The following CNBD2 variants were observed in gnomAD, a reference collection of about 807,000 sequenced individuals.
CNBD2 encodes the protein cyclic nucleotide binding domain containing 2, also known as cyclic nucleotide-binding domain-containing protein 2.
Under a neutral mutation model 63.7 loss-of-function variants are expected in CNBD2, and 64 were observed. The ratio of observed to expected loss-of-function variants is 1.00; its 90% CI spans 0.82 to 1.24. The LOEUF is 1.24. Ranked by LOEUF, CNBD2 falls within the 50% of genes most tolerant of loss-of-function variation. The pLI is 0.00. For synonymous variants in CNBD2, 229 were observed against 255.4 expected (o/e 0.90, Z 0.99); for missense variants, 691 against 713.5 (o/e 0.97, Z 0.36).
intron 8 of CNBD2, among the ~76,000 whole-genome samples, chr20:36,005,592 C>A (rs1389645961): frequency 2.0e-5 from 3 of 152,036 alleles, no homozygotes; most frequent in African/African-American, 7.2e-5. Flanking sequence ...AAACTCAGGG[C>A]TTTTTATATG....
intron 10 of CNBD2, among the ~76,000 whole-genome samples, chr20:36,012,659 C>G (rs916785569): frequency 2.0e-5 from 3 of 150,846 alleles, no homozygotes; most frequent in Non-Finnish European, 4.4e-5. Context: ...AACCCTGTCT[C>G]TACTAAAAAT....
downstream of CNBD2, among the ~76,000 whole-genome samples, chr20:35,957,936 T>C (rs7263302): frequency 0.26 from 39,570 of 152,012 alleles, 6,187 homozygotes; most frequent in African/African-American, 0.44. Flanking sequence ...CCTAGGTAGC[T>C]TCAGTGTTGA....
chr20:35,998,242 T>C (rs2056852896), intron 8 of CNBD2, among the ~76,000 whole-genome samples: 1 of 151,940 alleles, frequency 6.6e-6, no homozygotes, highest in Admixed American at 6.6e-5. Context: ...GGTTTCAGCA[T>C]GTTGGCCAGG....
chr20:35,977,755 A>G (rs1205027621), intron 3 of CNBD2, among the ~76,000 whole-genome samples: 1 of 152,182 alleles, frequency 6.6e-6, no homozygotes, highest in Non-Finnish European at 1.5e-5. Context: ...CTTTGGGGTG[A>G]TGAAAAGCTT....
chr20:36,019,529 G>GAAAA (rs60556168), intron 10 of CNBD2, among the ~76,000 whole-genome samples: 36 of 71,696 alleles, frequency 5.0e-4, no homozygotes, highest in Admixed American at 7.1e-4. Flanking sequence ...CTCAAAAAAA[G>GAAAA]AAAAAAAAAA....
chr20:35,997,217 C>T (rs1333089214), intron 8 of CNBD2, among the ~76,000 whole-genome samples: 1 of 152,184 alleles, frequency 6.6e-6, no homozygotes, highest in Non-Finnish European at 1.5e-5. Context: ...TATCTCTTAC[C>T]TCCTGCTCAG....
Position 35,969,209 on chromosome 20 carries a change from G to A in CNBD2, c.51+396G>A, listed in dbSNP as rs143461961. Among the ~76,000 whole-genome samples the A allele has an allele frequency of 5.4e-4, 82 of 152,262 alleles. 1 individual carries two copies. In the East Asian group the frequency reaches 0.016, roughly 29 times the overall value. ...CCCCAGGCAAGTTGCTTGGTTTGCT[G>A]TGCCTTTATTTTCTCCTCTGTAAAG... On this transcript the variant is annotated intron_variant, in intron 1 of 11. Coordinates refer to ENST00000373973, the MANE Select transcript of CNBD2 (RefSeq NM_001365709.1).
chr20:35,954,740 G>A (rs2056233610), exon 1 of CNBD2: 8 of 771,872 alleles, frequency 1.0e-5, no homozygotes, highest in Non-Finnish European at 1.5e-5. Flanking sequence ...TCCGTGCGCC[G>A]CTTCGGTTTG....
upstream of CNBD2, chr20:35,954,493 G>C: frequency 7.8e-6 from 12 of 1,542,506 alleles, no homozygotes; most frequent in South Asian, 1.2e-5. Context: ...AAAGTCTCTG[G>C]CTTCTCTGCG....
intron 2 of CNBD2, among the ~76,000 whole-genome samples, chr20:35,960,797 TCTTCCCTTCTCTTCC>T (rs1568838721): frequency 9.1e-4 from 113 of 124,716 alleles, no homozygotes; most frequent in African/African-American, 3.5e-3. Flanking sequence ...TCTTCCCTTC[TCTTCCCTTCTCTTCC>T]CTTCCCTTCC....
At chr20:36,009,454 G>A (rs1048410753) in intron 9 of CNBD2, among the ~76,000 whole-genome samples, 3 of 151,502 alleles carry the variant, frequency 2.0e-5, no homozygotes, top group Non-Finnish European at 4.4e-5. Context: ...CGCCCACCTC[G>A]GCCTCCCAAA....
chr20:36,001,278 C>T lies in CNBD2; in HGVS notation c.970+6126C>T, dbSNP rs1321267976. 8.8e-4 allele frequency among the ~76,000 whole-genome samples: 134 copies of T among 151,464 alleles called. 2 individuals are homozygous for T. The highest frequency in any genetic ancestry group is 3.1e-4 in the Non-Finnish European group (21 of 67,774). ...TACACCTCCCAGACGGGGTGGTGGC[C>T]GGGCAGAGGGGCTCCTCACTTCCCA... On this transcript the variant is annotated intron_variant, in intron 8 of 11. Transcript: ENST00000373973.
At chr20:35,975,731 C>A (rs994338459) in intron 2 of CNBD2, among the ~76,000 whole-genome samples, 48 of 152,174 alleles carry the variant, frequency 3.2e-4, no homozygotes, top group Admixed American at 3.0e-3. Context: ...CCCCATATTT[C>A]TCTGCCTTCA....
At chr20:35,958,129 G>A (rs370245833), downstream of CNBD2, among the ~76,000 whole-genome samples, 5 of 152,226 alleles carry the variant, frequency 3.3e-5, no homozygotes, top group East Asian at 3.9e-4. Context: ...TGGAGAATAC[G>A]TCTTTTAAAA....
intron 10 of CNBD2, among the ~76,000 whole-genome samples, chr20:36,012,095 T>C (rs1397362589): frequency 2.0e-5 from 3 of 149,046 alleles, no homozygotes; most frequent in Non-Finnish European, 3.0e-5. Context: ...AGGTCAGGAG[T>C]TCAAGACCAG....
Position 36,030,444 on chromosome 20 carries a change from C to A in CNBD2, c.1527C>A (p.Cys509Ter), listed in dbSNP as rs1198442721. 6.2e-7 allele frequency: 1 copy of A among 1,614,122 alleles called. No individual in the cohort carries two copies. Among genetic ancestry groups the A allele is most frequent in the Non-Finnish European group, 8.5e-7 (1 of 1,180,026 alleles). Residue 509 changes from cysteine (C) to a stop codon, truncating the protein, a stop_gained, in exon 12 of 12, where the codon TGC becomes TGA. Coordinates refer to ENST00000373973, the MANE Select transcript of CNBD2 (RefSeq NM_001365709.1). LOFTEE classifies it low-confidence loss of function (END_TRUNC). The stretch of plus-strand genomic sequence containing the variant: ...TGTTGCAGCTGCTCGTGGAGCCTTG[C>A]CAAAGTCAACTGTTCACTCCAAACC... ...KDLLQLLVEP[C>*]QSQLFTPNRP...
At chr20:35,960,822 CCTTCCCTTCT>C (rs1240501692) in intron 2 of CNBD2, among the ~76,000 whole-genome samples, 66 of 137,582 alleles carry the variant, frequency 4.8e-4, no homozygotes, top group Non-Finnish European at 7.7e-4. Flanking sequence ...CCTTCCCTTC[CCTTCCCTTCT>C]CTTCCCTTCT....
At chr20:35,965,526 A>C (rs2147181907), upstream of CNBD2, among the ~76,000 whole-genome samples, 1 of 152,328 alleles carries the variant, frequency 6.6e-6, no homozygotes, top group East Asian at 1.9e-4. Flanking sequence ...TCCATTTTAT[A>C]CATTATGAAA....
intron 11 of CNBD2, among the ~76,000 whole-genome samples, chr20:36,025,388 G>A (rs997876881): frequency 6.6e-6 from 1 of 152,114 alleles, no homozygotes; most frequent in Non-Finnish European, 1.5e-5. Flanking sequence ...AGGCTGGAGT[G>A]CAGTGGCACA....
Sources: gnomAD v4.1 joint callset for allele counts (sites outside exome capture counted in the v4.1 genomes callset) on GRCh38, gnomAD v4.1.1 for gene constraint, MANE v1.5 for transcripts, NCBI Gene and HGNC (gene_info 2026-07-23, HGNC 2026-07-21) for gene names.